Variants in CATSPER3 observed in about 807,000 individuals in gnomAD.
CATSPER3 encodes cation channel sperm associated 3, also known as cation channel sperm-associated protein 3.
CATSPER3 carries 23 observed loss-of-function variants against 36.6 expected under a neutral mutation model. That is an observed-to-expected ratio of 0.63 (90% confidence interval 0.45 to 0.89). The LOEUF (loss-of-function observed/expected upper bound fraction) is 0.89, where lower values mean the gene tolerates loss of function less well. Among genes scored for constraint, CATSPER3 ranks in the 40% least tolerant of loss-of-function variants. The pLI, the probability that CATSPER3 is intolerant of heterozygous loss-of-function variation, is 0.00. For missense variants in CATSPER3, 474 were observed against 503.9 expected (o/e 0.94, Z 0.57); for synonymous variants, 172 against 184.1 (o/e 0.93, Z 0.53).
In CATSPER3 at chr5:134,970,568, A is replaced by ATTTC. The variant is rs1554067724; in HGVS notation, c.252+479_252+480insCTTT. ...AAGAGCAGCAGTGGTGACATGGTGG[A>ATTTC]TTTTTTTTTTTTTTTTTTTTTGAGA... On this transcript the variant is annotated intron_variant, in intron 2 of 7. Coordinates refer to ENST00000282611, the MANE Select transcript of CATSPER3 (RefSeq NM_178019.3). Among the ~76,000 whole-genome samples, 1,035 of 124,222 alleles carry ATTTC rather than the reference A, an allele frequency of 8.3e-3. 15 individuals carry two copies. Among genetic ancestry groups the ATTTC allele is most frequent in the Middle Eastern group, 0.062 (14 of 224 alleles). The allele number at this position is 124,222 out of a possible 152,430, so 81.5% of individuals were successfully genotyped here.
chr5:135,009,089 G>T (rs1056880249), intron 5 of CATSPER3, 108 bp downstream of exon 5: 4 of 1,463,848 alleles, frequency 2.7e-6, no homozygotes, highest in Admixed American at 3.4e-5. Flanking sequence ...TCTTCCCAAT[G>T]AAGTGGAGTA....
rs747307061 is a variant in CATSPER3, at chr5:135,008,130, CT to C, written c.668del (p.Leu223TrpfsTer21). On this transcript the variant is annotated frameshift_variant, in exon 4 of 8. Transcript: ENST00000282611. LOFTEE classifies it high-confidence loss of function. The part of the protein sequence containing the change: ...LAAAFFTLFS[L>X]ATVDGWTDLQ... The stretch of plus-strand genomic sequence containing the variant: ...CTGCAGCTTTTTTCACCCTCTTCAG[CT>C]TGGCCACGGTACTGTGTTTGGGAAC... 1.2e-6 allele frequency: 2 copies of C among 1,613,776 alleles called. No homozygotes were observed. Among genetic ancestry groups the C allele is most frequent in the African/African-American group, 2.7e-5 (2 of 74,886 alleles).
At chr5:134,968,220 A>G in intron 1 of CATSPER3, 131 bp downstream of exon 1, 1 of 713,190 alleles carries the variant, frequency 1.4e-6, no homozygotes, top group South Asian at 1.5e-5. Context: ...CATGTCCTTG[A>G]CAATCTGGTT....
chr5:134,969,629 G>A (rs1474156792), intron 1 of CATSPER3: 4 of 394,328 alleles, frequency 1.0e-5, no homozygotes, highest in African/African-American at 6.2e-5. Flanking sequence ...ATATGTAGTT[G>A]CCACTCAATA....
At chr5:134,993,176 A>G (rs1751899275) in intron 2 of CATSPER3, among the ~76,000 whole-genome samples, 2 of 152,246 alleles carry the variant, frequency 1.3e-5, no homozygotes. Flanking sequence ...AACCTTGGAA[A>G]CATTCCATGA....
intron 2 of CATSPER3, among the ~76,000 whole-genome samples, chr5:134,988,976 A>G (rs1327745667): frequency 6.6e-6 from 1 of 152,178 alleles, no homozygotes; most frequent in Non-Finnish European, 1.5e-5. Flanking sequence ...CCTTGATCAG[A>G]ATGGATGTTT....
At chr5:134,997,151 C>A (rs560547641) in intron 3 of CATSPER3, among the ~76,000 whole-genome samples, 1 of 152,358 alleles carries the variant, frequency 6.6e-6, no homozygotes, top group South Asian at 2.1e-4. Context: ...CAGTGTCCAT[C>A]CTTCTCCAGG....
At chr5:134,971,150 C>T (rs1257428805) in intron 2 of CATSPER3, among the ~76,000 whole-genome samples, 6 of 152,172 alleles carry the variant, frequency 3.9e-5, no homozygotes, top group South Asian at 4.2e-4. Flanking sequence ...GGGGTTTCAC[C>T]GTGTTAGCCA....
chr5:134,988,760 A>G (rs1340782389), intron 2 of CATSPER3, among the ~76,000 whole-genome samples: 1 of 152,064 alleles, frequency 6.6e-6, no homozygotes, highest in East Asian at 1.9e-4. Context: ...GAGGGTTGGA[A>G]TCAACCTCTT....
intron 2 of CATSPER3, among the ~76,000 whole-genome samples, chr5:134,994,315 A>G (rs1019059490): frequency 8.5e-5 from 13 of 152,262 alleles, no homozygotes; most frequent in Non-Finnish European, 1.9e-4. Flanking sequence ...TTCATAATTT[A>G]AACATATAAA....
At chr5:135,003,644 C>T (rs1248467271) in intron 3 of CATSPER3, among the ~76,000 whole-genome samples, 1 of 152,246 alleles carries the variant, frequency 6.6e-6, no homozygotes, top group Non-Finnish European at 1.5e-5. Context: ...ACTCAAGCCT[C>T]AGCAATGGCA....
intron 2 of CATSPER3, among the ~76,000 whole-genome samples, chr5:134,978,124 A>C (rs535562557): frequency 9.2e-5 from 14 of 152,324 alleles, no homozygotes; most frequent in African/African-American, 3.4e-4. Flanking sequence ...AAACCGTATT[A>C]TGTCAATAGT....
At chr5:134,997,792 G>A (rs1406625938) in intron 3 of CATSPER3, among the ~76,000 whole-genome samples, 5 of 151,964 alleles carry the variant, frequency 3.3e-5, no homozygotes, top group African/African-American at 1.2e-4. Flanking sequence ...TTGACCTTTA[G>A]ACCCAGCTGC....
At chr5:134,973,800 T>C (rs1751635503) in intron 2 of CATSPER3, among the ~76,000 whole-genome samples, 1 of 152,322 alleles carries the variant, frequency 6.6e-6, no homozygotes, top group African/African-American at 2.4e-5. Flanking sequence ...TTGCAATGTA[T>C]TGAAATTCAC....
chr5:134,990,008 G>A (rs1751858522), intron 2 of CATSPER3, among the ~76,000 whole-genome samples: 1 of 152,152 alleles, frequency 6.6e-6, no homozygotes, highest in South Asian at 2.1e-4. Context: ...CCCAGGAGAG[G>A]GAGAGAGATG....
At chr5:135,005,389 A>G (rs1752073650) in intron 3 of CATSPER3, among the ~76,000 whole-genome samples, 1 of 152,162 alleles carries the variant, frequency 6.6e-6, no homozygotes, top group Non-Finnish European at 1.5e-5. Flanking sequence ...AGGGCCTTGC[A>G]TCCTAGAGTG....
intron 2 of CATSPER3, among the ~76,000 whole-genome samples, chr5:134,976,398 G>T (rs1751674948): frequency 7.5e-6 from 1 of 132,520 alleles, no homozygotes; most frequent in Non-Finnish European, 1.5e-5. Flanking sequence ...CTGCAACCAA[G>T]GAGCAGGGTT....
At chr5:134,984,242 G>A (rs1156555565) in intron 2 of CATSPER3, among the ~76,000 whole-genome samples, 2 of 152,130 alleles carry the variant, frequency 1.3e-5, no homozygotes, top group Admixed American at 6.5e-5. Context: ...GTTTATGATT[G>A]AGACCCCAAA....
At chr5:135,004,607 G>T (rs1752062106) in intron 3 of CATSPER3, among the ~76,000 whole-genome samples, 1 of 152,178 alleles carries the variant, frequency 6.6e-6, no homozygotes, top group Non-Finnish European at 1.5e-5. Context: ...GGGCACCAAG[G>T]GAGCAGGGGC....
Sources: allele counts gnomAD v4.1 joint callset (sites outside exome capture counted in the v4.1 genomes callset), GRCh38; gene constraint gnomAD v4.1.1; transcripts MANE v1.5; gene names NCBI Gene and HGNC (gene_info 2026-07-23, HGNC 2026-07-21).